TUSC3: variants seen among roughly 807,000 people sequenced by gnomAD.
The protein encoded by TUSC3 is dolichyl-diphosphooligosaccharide--protein glycosyltransferase subunit TUSC3.
TUSC3 carries 45 observed loss-of-function variants against 44.8 expected under a neutral mutation model. The ratio of observed to expected loss-of-function variants is 1.00; its 90% confidence interval spans 0.79 to 1.29. TUSC3 has a LOEUF of 1.29. TUSC3 is among the 50% of genes most tolerant of loss of function. TUSC3 has a pLI of 0.00. For synonymous variants in TUSC3, 212 were observed against 152.9 expected, an observed-to-expected ratio of 1.39 and a Z score of -2.85; for missense variants, 519 against 437.9, an observed-to-expected ratio of 1.19 and a Z score of -1.65.
intron 2 of TUSC3, among the ~76,000 whole-genome samples, chr8:15,632,916 G>A (rs888168610): frequency 6.6e-6 from 1 of 152,122 alleles, no homozygotes; most frequent in Non-Finnish European, 1.5e-5. Flanking sequence ...CTAAGCTTAC[G>A]TTGTATGTTC....
intron 1 of TUSC3, among the ~76,000 whole-genome samples, chr8:15,453,033 C>T (rs891255043): frequency 2.0e-5 from 3 of 151,928 alleles, no homozygotes; most frequent in African/African-American, 7.2e-5. Context: ...TGAGGAACTG[C>T]ATAACTAGAA....
intron 1 of TUSC3, among the ~76,000 whole-genome samples, chr8:15,433,937 T>C (rs1388858227): frequency 6.6e-6 from 1 of 152,210 alleles, no homozygotes; most frequent in East Asian, 1.9e-4. Context: ...TACAGAGCTT[T>C]CTGTGGATAT....
chr8:15,558,919 G>C lies in TUSC3; in HGVS notation c.138+18351G>C, dbSNP rs142062749. 4.2e-3 allele frequency among the ~76,000 whole-genome samples: 629 copies of C among 151,474 alleles called. 23 individuals carry two copies. The highest frequency in any genetic ancestry group is 0.037 in the East Asian group (189 of 5,082). On this transcript the variant is annotated intron_variant, in intron 1 of 10. Transcript: ENST00000503731. ...TTTTTCTTTATTAGTCTTGCTAGCG[G>C]TCTATCAATCTTGTTGGTCCTTTCA...
chr8:15,576,108 G>A lies in TUSC3; in HGVS notation c.138+35540G>A, dbSNP rs1003921519. On this transcript the variant is annotated intron_variant, in intron 1 of 10. Transcript: ENST00000503731. ...TTCCATTTTAATTTTTCTAATTAAT[G>A]ATCTCTTGTTAAAGCAATGAATCAG... Among the ~76,000 whole-genome samples, 5 of 151,540 alleles carry A rather than the reference G, an allele frequency of 3.3e-5. No homozygotes were observed. The East Asian group carries it at 9.7e-4, about 29-fold the overall frequency.
At chr8:15,489,204 G>A (rs189119960) in intron 2 of TUSC3, among the ~76,000 whole-genome samples, 322 of 152,226 alleles carry the variant, frequency 2.1e-3, no homozygotes, top group Non-Finnish European at 3.8e-3. Context: ...TGGTTCAGTC[G>A]GGAAAGGCAG....
chr8:15,842,264 T>G, the TUSC3 span, among the ~76,000 whole-genome samples: 1 of 152,142 alleles, frequency 6.6e-6, no homozygotes, highest in Non-Finnish European at 1.5e-5. Context: ...CCCGACTGAT[T>G]ATGAGCAGTG....
At chr8:15,575,151 C>T (rs1199417316) in intron 1 of TUSC3, among the ~76,000 whole-genome samples, 1 of 132,062 alleles carries the variant, frequency 7.6e-6, no homozygotes, top group East Asian at 2.1e-4. Flanking sequence ...AATAATTTTG[C>T]GATAGATGTA....
chr8:15,776,568 T>G, the TUSC3 span, among the ~76,000 whole-genome samples: 1 of 152,152 alleles, frequency 6.6e-6, no homozygotes, highest in African/African-American at 2.4e-5. Flanking sequence ...AACTTCATTG[T>G]GTTACTAATA....
At chr8:15,658,444 A>G (rs971520653) in intron 3 of TUSC3, among the ~76,000 whole-genome samples, 1 of 152,100 alleles carries the variant, frequency 6.6e-6, no homozygotes, top group Non-Finnish European at 1.5e-5. Context: ...CTAAGCTTTT[A>G]CTGTTGTATC....
chr8:15,511,065 C>T (rs1182316991), intron 2 of TUSC3, among the ~76,000 whole-genome samples: 2 of 152,150 alleles, frequency 1.3e-5, no homozygotes, highest in African/African-American at 2.4e-5. Flanking sequence ...TAGAAGATAA[C>T]GTCCTCTACC....
At chr8:15,817,966 C>T in the TUSC3 span, among the ~76,000 whole-genome samples, 1 of 151,954 alleles carries the variant, frequency 6.6e-6, no homozygotes, top group Non-Finnish European at 1.5e-5. Context: ...ATACCGGTGA[C>T]TCTAGGAATG....
chr8:15,538,129 C>T (rs1801550836), upstream of TUSC3, among the ~76,000 whole-genome samples: 1 of 152,184 alleles, frequency 6.6e-6, no homozygotes, highest in African/African-American at 2.4e-5. Flanking sequence ...CAACTAGGGA[C>T]CTCCCATCAG....
chr8:15,604,150 GAT>G (rs967265830), intron 1 of TUSC3, among the ~76,000 whole-genome samples: 4 of 151,650 alleles, frequency 2.6e-5, no homozygotes, highest in Non-Finnish European at 5.9e-5. Context: ...ATGATATTGA[GAT>G]AGAGTATTAT....
intron 2 of TUSC3, among the ~76,000 whole-genome samples, chr8:15,624,048 C>T (rs577037170): frequency 6.6e-6 from 1 of 152,190 alleles, no homozygotes; most frequent in Admixed American, 6.5e-5. Context: ...TTTCAAGAAT[C>T]TTAGGTAAAT....
chr8:15,473,927 T>C (rs750525613), intron 1 of TUSC3, among the ~76,000 whole-genome samples: 2 of 152,114 alleles, frequency 1.3e-5, no homozygotes, highest in Non-Finnish European at 2.9e-5. Flanking sequence ...GGGCGAGGTT[T>C]TTCTCCAACC....
chr8:15,487,985 C>G (rs1003234015), intron 2 of TUSC3, among the ~76,000 whole-genome samples: 1 of 149,886 alleles, frequency 6.7e-6, no homozygotes, highest in Non-Finnish European at 1.5e-5. Context: ...GATCTGAACT[C>G]TATTCCTTAA....
At chr8:15,464,209 T>C (rs961308936) in intron 1 of TUSC3, among the ~76,000 whole-genome samples, 7 of 152,132 alleles carry the variant, frequency 4.6e-5, no homozygotes, top group Admixed American at 6.6e-5. Flanking sequence ...ATAGAGCAAA[T>C]AGCGAGTGAC....
At chr8:15,743,659 ATTCAT>A in intron 8 of TUSC3, 47 bp downstream of exon 8, 1 of 1,590,990 alleles carries the variant, frequency 6.3e-7, no homozygotes, top group Non-Finnish European at 8.6e-7. Flanking sequence ...TAGTCTTAAG[ATTCAT>A]TTAAGTCAAA....
In TUSC3 at chr8:15,670,399, T is replaced by C. The variant is rs77139520; in HGVS notation, c.709-3348T>C. On this transcript the variant is annotated intron_variant, in intron 5 of 10. Transcript: ENST00000503731. ...TAGTCCAGAAACATACTCACACTTA[T>C]AAAATCACTTGATTTGTAACGAAAG... Among the ~76,000 whole-genome samples the C allele has an allele frequency of 4.9e-3, 742 of 151,994 alleles. 19 individuals carry two copies. In the East Asian group the frequency reaches 0.071, roughly 15 times the overall value.
Sources: allele counts gnomAD v4.1 joint callset (sites outside exome capture counted in the v4.1 genomes callset), GRCh38; gene constraint gnomAD v4.1.1; transcripts MANE v1.5; gene names NCBI Gene and HGNC (gene_info 2026-07-23, HGNC 2026-07-21).